SLC25A19: variants seen among roughly 807,000 people sequenced by gnomAD.
SLC25A19 encodes solute carrier family 25 member 19.
A neutral mutation model predicts 27.9 loss-of-function variants in SLC25A19; 18 were observed. The ratio of observed to expected loss-of-function variants is 0.64; its 90% CI spans 0.45 to 0.96. The LOEUF is 0.96. Among genes scored for constraint, SLC25A19 ranks in the 40% least tolerant of loss-of-function variants. SLC25A19 has a pLI of 0.00. For synonymous variants in SLC25A19, 169 were observed against 167.1 expected (o/e 1.01, Z -0.09); for missense variants, 371 against 418.3 (o/e 0.89, Z 0.99).
chr17:75,279,143 C>A (rs1460773729), intron 5 of SLC25A19, among the ~76,000 whole-genome samples: 2 of 151,906 alleles, frequency 1.3e-5, no homozygotes, highest in Non-Finnish European at 2.9e-5. Context: ...CAGGCATGAG[C>A]CACTGCACCC....
At chr17:75,283,233 G>A (rs1057402651) in intron 5 of SLC25A19, among the ~76,000 whole-genome samples, 190 bp downstream of exon 5, 6 of 143,134 alleles carry the variant, frequency 4.2e-5, no homozygotes, top group Non-Finnish European at 9.1e-5. Context: ...CTCGGGAGGT[G>A]GAGCTTGCAG....
intron 5 of SLC25A19, among the ~76,000 whole-genome samples, chr17:75,280,375 A>T (rs1472622835): frequency 6.6e-6 from 1 of 151,994 alleles, no homozygotes; most frequent in Non-Finnish European, 1.5e-5. Flanking sequence ...TGCCTTAAAA[A>T]TAAAGAAAAA....
intron 2 of SLC25A19, chr17:75,288,224 C>G (rs1392396191): frequency 6.6e-6 from 1 of 152,168 alleles, no homozygotes; most frequent in South Asian, 2.1e-4. Flanking sequence ...ACCTCTTCAG[C>G]CTCACTCTGG....
At chr17:75,278,595 T>C (rs1567836985) in intron 5 of SLC25A19, among the ~76,000 whole-genome samples, 1 of 152,136 alleles carries the variant, frequency 6.6e-6, no homozygotes, top group African/African-American at 2.4e-5. Flanking sequence ...TGCAGCGTCC[T>C]GGGGAAGAGC....
intron 6 of SLC25A19, 143 bp downstream of exon 6, chr17:75,278,009 T>C: frequency 1.2e-6 from 1 of 813,838 alleles, no homozygotes; most frequent in Non-Finnish European, 2.0e-6. Flanking sequence ...CTGCAGTTGT[T>C]TTGTTTGCCA....
intron 3 of SLC25A19, 82 bp from the exon 4 acceptor site, chr17:75,286,541 A>T: frequency 1.2e-6 from 2 of 1,613,964 alleles, no homozygotes; most frequent in Non-Finnish European, 1.7e-6. Context: ...CAAGCCCTTC[A>T]TCTGGATAGA....
intron 2 of SLC25A19, 135 bp from the exon 3 acceptor site, chr17:75,286,937 C>G: frequency 1.2e-6 from 1 of 858,832 alleles, no homozygotes; most frequent in Non-Finnish European, 1.8e-6. Context: ...CGCAGCGGTT[C>G]ATGCCTGTAT....
intron 2 of SLC25A19, chr17:75,287,682 G>A (rs2078215406): frequency 6.6e-6 from 1 of 152,260 alleles, no homozygotes; most frequent in Non-Finnish European, 1.5e-5. Flanking sequence ...GTGTAACGCT[G>A]AGGGACTGAA....
intron 5 of SLC25A19, among the ~76,000 whole-genome samples, chr17:75,281,661 C>A (rs898296542): frequency 1.2e-4 from 19 of 152,176 alleles, no homozygotes; most frequent in African/African-American, 4.6e-4. Context: ...TGCGCCACTG[C>A]ACTCTAGCCT....
chr17:75,273,143 G>A lies in SLC25A19; in HGVS notation c.*308C>T. ...GTGTTCTGTTCTCCTGGCAGGCAGG[G>A]CTGATAGGTGTAGGATGGCGTCTGT... On this transcript the variant is annotated 3_prime_UTR_variant, in exon 8 of 8. Coordinates refer to ENST00000416858, the MANE Select transcript of SLC25A19 (RefSeq NM_001126121.2). 1 of 417,794 alleles carries A rather than the reference G, an allele frequency of 2.4e-6. No homozygotes were observed. Among genetic ancestry groups the A allele is most frequent in the Non-Finnish European group, 4.5e-6 (1 of 222,734 alleles). 25.9% of individuals were successfully genotyped at this position (417,794 alleles called of 1,614,324 possible).
intron 5 of SLC25A19, 79 bp downstream of exon 5, chr17:75,283,344 A>T (rs1041717256): frequency 5.2e-5 from 70 of 1,345,238 alleles, no homozygotes; most frequent in Non-Finnish European, 6.7e-5. Context: ...TAAATAAATA[A>T]ATAAAAAATA....
rs759714012 is a variant in SLC25A19 at position 75,283,458 on chromosome 17, G to A, written c.424C>T (p.Leu142=). 1 of 1,612,684 alleles carries A rather than the reference G, an allele frequency of 6.2e-7. No homozygotes were observed. Among genetic ancestry groups the A allele is most frequent in the Non-Finnish European group, 8.5e-7 (1 of 1,179,812 alleles). ...ATLTVHPVDV[L]RTRFAAQGEP... ...CCCTGAGCTGCAAAGCGGGTGCGCA[G>A]AACATCCACGGGGTGCACAGTGAGG... Residue 142 remains leucine, a synonymous_variant, in exon 5 of 8, where the codon CTG becomes TTG. Transcript: ENST00000416858.
chr17:75,284,114 C>T (rs553207601), intron 4 of SLC25A19, among the ~76,000 whole-genome samples: 1 of 149,128 alleles, frequency 6.7e-6, no homozygotes, highest in South Asian at 2.1e-4. Flanking sequence ...GACTCGGTCT[C>T]AAAAAAAAGA....
At position 75,273,156 on chromosome 17, in the gene SLC25A19, G is replaced by T; in HGVS notation, c.*295C>A. 1 of 444,710 alleles carries T rather than the reference G, an allele frequency of 2.2e-6. No individual in the cohort carries two copies. The allele number at this position is 444,710 out of a possible 1,614,324, so 27.5% of individuals were successfully genotyped here. ...CTGGCAGGCAGGGCTGATAGGTGTA[G>T]GATGGCGTCTGTTTCCTTTGGAGTG... On this transcript the variant is annotated 3_prime_UTR_variant, in exon 8 of 8. Transcript: ENST00000416858.
intron 5 of SLC25A19, 37 bp downstream of exon 5, chr17:75,283,386 T>C (rs1211794144): frequency 6.2e-7 from 1 of 1,607,504 alleles, no homozygotes; most frequent in South Asian, 1.1e-5. Context: ...ACACCTTCCT[T>C]ATTTGGGCTT....
Position 75,283,452 on chromosome 17 carries a change from TG to T in SLC25A19, c.429del (p.Thr144ProfsTer39). 1 of 1,612,196 alleles carries T rather than the reference TG, an allele frequency of 6.2e-7. No homozygotes were observed. Among genetic ancestry groups the T allele is most frequent in the Non-Finnish European group, 8.5e-7 (1 of 1,179,706 alleles). The stretch of plus-strand genomic sequence containing the variant: ...GGCTCACCCTGAGCTGCAAAGCGGG[TG>T]CGCAGAACATCCACGGGGTGCACAG... ...TLTVHPVDVLRTRFAAQGEPK... is the reference protein window; with the variant it reads ...TLTVHPVDVLXTRFAAQGEPK... On this transcript the variant is annotated frameshift_variant, in exon 5 of 8. Transcript: ENST00000416858. LOFTEE classifies it high-confidence loss of function.
chr17:75,278,714 G>A (rs1468293518), intron 5 of SLC25A19, among the ~76,000 whole-genome samples: 1 of 152,148 alleles, frequency 6.6e-6, no homozygotes, highest in Non-Finnish European at 1.5e-5. Context: ...AGGCGCGGTG[G>A]CTCACGCCTG....
intron 1 of SLC25A19, chr17:75,288,930 T>C (rs1252472425): frequency 6.6e-6 from 1 of 152,228 alleles, no homozygotes; most frequent in East Asian, 1.9e-4. Flanking sequence ...AGCAGCGTGT[T>C]TCCCGCCCAT....
intron 7 of SLC25A19, among the ~76,000 whole-genome samples, chr17:75,274,399 TG>T (rs1598174734): frequency 6.6e-6 from 1 of 152,144 alleles, no homozygotes; most frequent in East Asian, 1.9e-4. Flanking sequence ...TCCTCAAGCC[TG>T]GCTTCCCTCC....
Sources: allele counts gnomAD v4.1 joint callset (sites outside exome capture counted in the v4.1 genomes callset), GRCh38; gene constraint gnomAD v4.1.1; transcripts MANE v1.5; gene names NCBI Gene and HGNC (gene_info 2026-07-23, HGNC 2026-07-21).